Variants in CNTN6 observed in about 807,000 individuals in gnomAD.
CNTN6 encodes contactin-6.
In CNTN6, 137 loss-of-function variants were observed where a neutral mutation model predicts 122.8. The ratio of observed to expected loss-of-function variants is 1.12; its 90% CI spans 0.97 to 1.29. CNTN6 has a LOEUF of 1.29. CNTN6 is among the 50% of genes most tolerant of loss of function. The pLI, the probability that CNTN6 is intolerant of heterozygous loss-of-function variation, is 0.00. For missense variants in CNTN6, 1,634 were observed against 1,223.4 expected, an observed-to-expected ratio of 1.34 and a Z score of -5.01; for synonymous variants, 570 against 426.0, an observed-to-expected ratio of 1.34 and a Z score of -4.16.
rs373899954 is a variant in CNTN6 at position 1,315,162 on chromosome 3, C to G, written c.762-6488C>G. Among the ~76,000 whole-genome samples the G allele has an allele frequency of 1.4e-4, 21 of 152,066 alleles. No individual in the cohort carries two copies. In the East Asian group the frequency reaches 2.7e-3, roughly 20 times the overall value. ...AACGATAATCTCCATTCTGAAGACCCCTTCAAAGATCCACCTTCCTCCATG... is the reference window on the plus strand; with the variant it reads ...AACGATAATCTCCATTCTGAAGACCGCTTCAAAGATCCACCTTCCTCCATG... On this transcript the variant is annotated intron_variant, in intron 7 of 22. Coordinates refer to ENST00000446702, the MANE Select transcript of CNTN6 (RefSeq NM_001289080.2).
intron 3 of CNTN6, among the ~76,000 whole-genome samples, chr3:1,224,372 T>C (rs1457582542): frequency 6.6e-6 from 1 of 152,010 alleles, no homozygotes; most frequent in Non-Finnish European, 1.5e-5. Flanking sequence ...GGGATTATAC[T>C]CAATGATAAT....
At chr3:1,274,461 TAG>T (rs1691949294) in intron 4 of CNTN6, among the ~76,000 whole-genome samples, 1 of 152,196 alleles carries the variant, frequency 6.6e-6, no homozygotes, top group South Asian at 2.1e-4. Flanking sequence ...TGAGGATCAG[TAG>T]AGTTTATCTT....
intron 5 of CNTN6, among the ~76,000 whole-genome samples, chr3:1,289,437 C>A (rs1454789213): frequency 1.3e-5 from 2 of 152,146 alleles, no homozygotes; most frequent in African/African-American, 4.8e-5. Flanking sequence ...CTCTATTCCC[C>A]TCTGCTTCTT....
At chr3:1,268,749 C>G (rs2094971800) in intron 4 of CNTN6, among the ~76,000 whole-genome samples, 1 of 151,902 alleles carries the variant, frequency 6.6e-6, no homozygotes. Flanking sequence ...GAAGTAAGTC[C>G]TGACTCAGTC....
rs1701459737 is a variant in CNTN6 at position 1,325,840 on chromosome 3, C to T, written c.972C>T (p.Ile324=). ...FYAPPEWEQK[I]QNTHLSIYDN... Reference sequence around the variant, plus strand: ...CTCCTCCAGAATGGGAACAGAAAATCCAAAATACACACCTCTCTATCTATG... The same window carrying T: ...CTCCTCCAGAATGGGAACAGAAAATTCAAAATACACACCTCTCTATCTATG... Residue 324 remains isoleucine, a synonymous_variant, in exon 9 of 23, where the codon ATC becomes ATT. Coordinates refer to ENST00000446702, the MANE Select transcript of CNTN6 (RefSeq NM_001289080.2). 4 of 1,610,818 alleles carry T rather than the reference C, an allele frequency of 2.5e-6. No homozygotes were observed. The highest frequency in any genetic ancestry group is 1.3e-5 in the African/African-American group (1 of 74,612).
chr3:1,295,369 C>T (rs971365334), intron 5 of CNTN6, among the ~76,000 whole-genome samples: 18 of 152,080 alleles, frequency 1.2e-4, no homozygotes, highest in African/African-American at 4.1e-4. Context: ...TATCCTTAAT[C>T]CCAAAAAGTC....
At chr3:1,372,587 G>T in intron 13 of CNTN6, 113 bp downstream of exon 13, 1 of 931,706 alleles carries the variant, frequency 1.1e-6, no homozygotes, top group Non-Finnish European at 1.6e-6. Context: ...ATCACTGACT[G>T]TTTTTGAAGC....
At chr3:1,138,067 C>T (rs1400139613) in intron 1 of CNTN6, among the ~76,000 whole-genome samples, 1 of 152,230 alleles carries the variant, frequency 6.6e-6, no homozygotes, top group East Asian at 1.9e-4. Context: ...TTCACTGACC[C>T]TCATAAGTCA....
At chr3:1,376,978 T>C (rs2126155810) in intron 16 of CNTN6, 27 bp from the exon 17 acceptor site, 2 of 1,490,382 alleles carry the variant, frequency 1.3e-6, no homozygotes, top group Non-Finnish European at 1.8e-6. Context: ...ATAATTGCCA[T>C]CCCACATTTC....
At chr3:1,095,368 A>G (rs1159514062) in intron 1 of CNTN6, among the ~76,000 whole-genome samples, 2 of 152,034 alleles carry the variant, frequency 1.3e-5, no homozygotes, top group Admixed American at 6.6e-5. Flanking sequence ...CTACTCAGGA[A>G]GCTGAGGCAG....
At chr3:1,102,323 T>C (rs78682758) in intron 1 of CNTN6, among the ~76,000 whole-genome samples, 4,419 of 152,284 alleles carry the variant, frequency 0.029, 226 homozygotes, top group African/African-American at 0.1. Flanking sequence ...AAGAACATGA[T>C]TTTCCTCTCT....
chr3:1,296,679 T>C (rs1193823392), intron 6 of CNTN6, among the ~76,000 whole-genome samples: 2 of 152,154 alleles, frequency 1.3e-5, no homozygotes, highest in Admixed American at 6.5e-5. Flanking sequence ...GTTCTTATAA[T>C]AGAGCTTTTA....
At chr3:1,238,473 A>G (rs989239979) in intron 4 of CNTN6, among the ~76,000 whole-genome samples, 2 of 152,204 alleles carry the variant, frequency 1.3e-5, no homozygotes, top group Non-Finnish European at 2.9e-5. Flanking sequence ...AATGAGATAG[A>G]TGGCAACACA....
rs148555603 is a variant in CNTN6, at chr3:1,374,158, T to C, written c.2095+85T>C. On this transcript the variant is annotated intron_variant, in intron 16 of 22. Coordinates refer to ENST00000446702, the MANE Select transcript of CNTN6 (RefSeq NM_001289080.2). ...AAAACAAGTATTTTTATGTGTCTTC[T>C]AATACTTTTGGCTCAAAATTGTTTG... The C allele has an allele frequency of 3.4e-4, 474 of 1,374,312 alleles. 1 individual carries two copies. In the African/African-American group the frequency reaches 6.3e-3, roughly 18 times the overall value. 85.1% of individuals were successfully genotyped at this position (1,374,312 alleles called of 1,614,324 possible). A position where few individuals can be genotyped will look rare whatever the true frequency, so the allele number is the denominator to read the frequency against.
intron 4 of CNTN6, among the ~76,000 whole-genome samples, chr3:1,248,524 T>G (rs1405103206): frequency 6.6e-5 from 10 of 152,124 alleles, no homozygotes; most frequent in Admixed American, 3.9e-4. Context: ...AGTGAAGTAA[T>G]GTGCCCAAGG....
At chr3:1,260,572 T>C (rs1172275060) in intron 4 of CNTN6, among the ~76,000 whole-genome samples, 2 of 152,046 alleles carry the variant, frequency 1.3e-5, no homozygotes, top group Non-Finnish European at 2.9e-5. Context: ...ACTGAGGTGA[T>C]TTTATAACAC....
intron 2 of CNTN6, among the ~76,000 whole-genome samples, chr3:1,217,763 C>G (rs555818297): frequency 2.6e-4 from 39 of 152,284 alleles, no homozygotes; most frequent in African/African-American, 5.8e-4. Flanking sequence ...CAAGTGCTGT[C>G]TCCAGTAAGG....
At position 1,395,286 on chromosome 3, in the gene CNTN6, A is replaced by G. The variant is rs138719366; in HGVS notation, c.2705-6147A>G. Among the ~76,000 whole-genome samples, 1,236 of 152,348 alleles carry G rather than the reference A, an allele frequency of 8.1e-3. 25 individuals are homozygous for G. The highest frequency in any genetic ancestry group is 0.01 in the Non-Finnish European group (710 of 68,044). ...CTTAAACTCAGTGTTTTAAAACAAT[A>G]TAAGTTGCTTATCACACATTTTTGG... On this transcript the variant is annotated intron_variant, in intron 20 of 22. Coordinates refer to ENST00000446702, the MANE Select transcript of CNTN6 (RefSeq NM_001289080.2).
At chr3:1,397,511 T>C (rs190153557) in intron 20 of CNTN6, among the ~76,000 whole-genome samples, 2 of 152,176 alleles carry the variant, frequency 1.3e-5, no homozygotes, top group African/African-American at 4.8e-5. Context: ...AAATGATGGA[T>C]TTCCAAAAGA....
Sources: gnomAD v4.1 joint callset for allele counts (sites outside exome capture counted in the v4.1 genomes callset) on GRCh38, gnomAD v4.1.1 for gene constraint, MANE v1.5 for transcripts, NCBI Gene and HGNC (gene_info 2026-07-23, HGNC 2026-07-21) for gene names.